ECT2L: variants seen among roughly 807,000 people sequenced by gnomAD.
ECT2L encodes the protein epithelial cell transforming 2 like.
In ECT2L, 126 loss-of-function variants were observed where a neutral mutation model predicts 122.8. The observed-to-expected ratio is 1.03, with a 90% CI of 0.89 to 1.19. The LOEUF is 1.19. Ranked by LOEUF, ECT2L falls within the 50% of genes most tolerant of loss-of-function variation. ECT2L has a pLI of 0.00. For missense variants in ECT2L, 1,012 were observed against 1,064.1 expected, an observed-to-expected ratio of 0.95 and a Z score of 0.68; for synonymous variants, 385 against 381.8, an observed-to-expected ratio of 1.01 and a Z score of -0.10.
intron 9 of ECT2L, among the ~76,000 whole-genome samples, chr6:138,850,994 C>CAAAAAAAAAAAAAAAAAA (rs34453938): frequency 6.9e-5 from 4 of 57,780 alleles, no homozygotes; most frequent in Admixed American, 2.8e-4. Context: ...AACTCCATCT[C>CAAAAAAAAAAAAAAAAAA]AAAAAAAAAA....
At chr6:138,850,534 T>TTCTG (rs1777401569) in intron 9 of ECT2L, among the ~76,000 whole-genome samples, 1 of 151,788 alleles carries the variant, frequency 6.6e-6, no homozygotes, top group Admixed American at 6.6e-5. Context: ...ATATAGTATG[T>TTCTG]TTTATCTGTT....
At chr6:138,834,791 C>T (rs1776765364) in intron 4 of ECT2L, among the ~76,000 whole-genome samples, 1 of 151,910 alleles carries the variant, frequency 6.6e-6, no homozygotes, top group African/African-American at 2.4e-5. Flanking sequence ...ACAGTTATTA[C>T]CTGTGCTTTA....
At chr6:138,819,734 A>G (rs886176216) in intron 4 of ECT2L, among the ~76,000 whole-genome samples, 3 of 152,112 alleles carry the variant, frequency 2.0e-5, no homozygotes, top group Non-Finnish European at 4.4e-5. Flanking sequence ...TAATTAAAAA[A>G]AAATTAGCCG....
At chr6:138,825,774 T>G (rs759238021) in intron 4 of ECT2L, among the ~76,000 whole-genome samples, 2 of 152,164 alleles carry the variant, frequency 1.3e-5, no homozygotes, top group Admixed American at 6.5e-5. Context: ...TCCTTATTGC[T>G]TTACCCATAT....
chr6:138,851,676 T>A (rs569958427), intron 9 of ECT2L, among the ~76,000 whole-genome samples: 1 of 151,586 alleles, frequency 6.6e-6, no homozygotes, highest in Admixed American at 6.5e-5. Flanking sequence ...GTTATTTGAT[T>A]TTTTTCACTG....
At chr6:138,809,290 C>A (rs546837447) in intron 1 of ECT2L, among the ~76,000 whole-genome samples, 1 of 152,046 alleles carries the variant, frequency 6.6e-6, no homozygotes, top group South Asian at 2.1e-4. Context: ...GGGCCAGCTG[C>A]GGGGCTCATA....
At chr6:138,897,349 C>T (rs58290899) in intron 20 of ECT2L, among the ~76,000 whole-genome samples, 1 of 151,970 alleles carries the variant, frequency 6.6e-6, no homozygotes, top group Non-Finnish European at 1.5e-5. Context: ...ATTAAAAAAA[C>T]AAATAAAAAC....
At position 138,850,799 on chromosome 6, in the gene ECT2L, C is replaced by T. The variant is rs549284965; in HGVS notation, c.1069+1365C>T. ...GGTGGATCATCCGAGGTCAGGAGTTCAAGACCAGCCTGACCAACATAGAGA... is the reference window on the plus strand; with the variant it reads ...GGTGGATCATCCGAGGTCAGGAGTTTAAGACCAGCCTGACCAACATAGAGA... On this transcript the variant is annotated intron_variant, in intron 9 of 21. Transcript: ENST00000541398. 8.5e-3 allele frequency among the ~76,000 whole-genome samples: 1,298 copies of T among 151,832 alleles called. 21 individuals are homozygous for T. Among genetic ancestry groups the T allele is most frequent in the African/African-American group, 0.03 (1,229 of 41,400 alleles).
chr6:138,847,475 A>G (rs1777271738), intron 8 of ECT2L, among the ~76,000 whole-genome samples: 2 of 130,094 alleles, frequency 1.5e-5, no homozygotes, highest in Admixed American at 9.6e-5. Flanking sequence ...GGTTCACACC[A>G]TTCTCCTGCC....
chr6:138,822,370 A>C (rs1213684994), intron 4 of ECT2L, among the ~76,000 whole-genome samples: 2 of 152,182 alleles, frequency 1.3e-5, no homozygotes, highest in Admixed American at 6.5e-5. Flanking sequence ...CCTGGGCAAC[A>C]TGGTGAAACC....
At chr6:138,866,145 CAT>C (rs1778028255) in intron 12 of ECT2L, among the ~76,000 whole-genome samples, 1 of 139,824 alleles carries the variant, frequency 7.2e-6, no homozygotes, top group African/African-American at 2.7e-5. Flanking sequence ...AAGTATTTTT[CAT>C]AGTTTTTTTT....
At chr6:138,810,437 T>C (rs1411813972) in intron 1 of ECT2L, among the ~76,000 whole-genome samples, 6 of 152,228 alleles carry the variant, frequency 3.9e-5, no homozygotes, top group Non-Finnish European at 7.3e-5. Flanking sequence ...GTTTGGCTTT[T>C]TCTAAGGAAG....
At chr6:138,798,810 A>G (rs1290843011) in intron 1 of ECT2L, among the ~76,000 whole-genome samples, 2 of 152,240 alleles carry the variant, frequency 1.3e-5, no homozygotes, top group Non-Finnish European at 2.9e-5. Flanking sequence ...TTTAATAGGT[A>G]GACAAGAATG....
chr6:138,838,278 G>T lies in ECT2L; in HGVS notation c.180-74G>T, dbSNP rs1776913667. The stretch of plus-strand genomic sequence containing the variant: ...GGTAGAACATTGGAGGAAGATCAAT[G>T]ACCAATATTTATGCTGACTTTTTAG... On this transcript the variant is annotated intron_variant, in intron 4 of 21. Transcript: ENST00000541398. 6.3e-6 allele frequency: 8 copies of T among 1,266,090 alleles called. No homozygotes were observed. The South Asian group carries it at 1.2e-4, about 19-fold the overall frequency. 78.4% of individuals were successfully genotyped at this position (1,266,090 alleles called of 1,614,324 possible). A position where few individuals can be genotyped will look rare whatever the true frequency, so the allele number is the denominator to read the frequency against.
intron 7 of ECT2L, 83 bp downstream of exon 7, chr6:138,844,663 G>A: frequency 7.7e-7 from 1 of 1,303,664 alleles, no homozygotes; most frequent in Non-Finnish European, 1.1e-6. Flanking sequence ...CTATCACGCA[G>A]AAATCTTGTG....
chr6:138,895,904 T>A (rs1779191334), intron 20 of ECT2L, among the ~76,000 whole-genome samples: 1 of 151,960 alleles, frequency 6.6e-6, no homozygotes, highest in Non-Finnish European at 1.5e-5. Context: ...AGTGTTTGCA[T>A]CCTAAATGAA....
At chr6:138,849,058 G>C (rs1035677411) in intron 8 of ECT2L, among the ~76,000 whole-genome samples, 1 of 152,280 alleles carries the variant, frequency 6.6e-6, no homozygotes, top group African/African-American at 2.4e-5. Context: ...ATTTATCTCT[G>C]AGTAGAATTA....
At chr6:138,816,388 T>TG (rs35272053) in intron 4 of ECT2L, among the ~76,000 whole-genome samples, 2 of 71,410 alleles carry the variant, frequency 2.8e-5, no homozygotes, top group Non-Finnish European at 5.4e-5. Context: ...GAAAGTACTT[T>TG]TTTTTTTTGT....
intron 4 of ECT2L, among the ~76,000 whole-genome samples, chr6:138,834,894 T>TAC (rs544584441): frequency 0.049 from 6,704 of 137,288 alleles, 262 homozygotes; most frequent in East Asian, 0.11. Context: ...TGCCCCCGTT[T>TAC]ACACACACAC....
Sources: gnomAD v4.1 joint callset for allele counts (sites outside exome capture counted in the v4.1 genomes callset) on GRCh38, gnomAD v4.1.1 for gene constraint, MANE v1.5 for transcripts, NCBI Gene and HGNC (gene_info 2026-07-23, HGNC 2026-07-21) for gene names.